RPS6KC1: variants seen among roughly 807,000 people sequenced by gnomAD.
RPS6KC1 encodes inactive ribosomal protein S6 kinase delta-1.
In RPS6KC1, 54 loss-of-function variants were observed where a neutral mutation model predicts 103.8. The observed-to-expected ratio is 0.52, with a 90% CI of 0.42 to 0.65. The LOEUF (loss-of-function observed/expected upper bound fraction) is 0.65. Among genes scored for constraint, RPS6KC1 ranks in the 30% least tolerant of loss-of-function variants. The pLI is 0.00. For missense variants in RPS6KC1, 1,151 were observed against 1,253.8 expected (o/e 0.92, Z 1.24); for synonymous variants, 439 against 438.7 (o/e 1.00, Z -0.01).
chr1:213,608,919 AG>A, the RPS6KC1 span, among the ~76,000 whole-genome samples: 1 of 152,196 alleles, frequency 6.6e-6, no homozygotes, highest in Non-Finnish European at 1.5e-5. Flanking sequence ...TTGGTTGTTT[AG>A]CATTTAGGCT....
At chr1:213,188,058 T>G (rs1041954608) in intron 8 of RPS6KC1, among the ~76,000 whole-genome samples, 1 of 152,250 alleles carries the variant, frequency 6.6e-6, no homozygotes, top group African/African-American at 2.4e-5. Context: ...CCTCTTCTGC[T>G]GAGCAGCCTC....
chr1:213,427,684 T>C, the RPS6KC1 span, among the ~76,000 whole-genome samples: 209 of 152,320 alleles, frequency 1.4e-3, no homozygotes, highest in African/African-American at 4.7e-3. Flanking sequence ...AGAGGTTAAG[T>C]CATTTGCCTA....
intron 5 of RPS6KC1, among the ~76,000 whole-genome samples, chr1:213,126,806 G>C (rs2085041775): frequency 6.6e-6 from 1 of 152,092 alleles, no homozygotes; most frequent in Non-Finnish European, 1.5e-5. Flanking sequence ...TATTGTCTAT[G>C]GCTGCTTTTG....
chr1:213,243,944 G>C (rs985415421), intron 12 of RPS6KC1, among the ~76,000 whole-genome samples: 1 of 152,108 alleles, frequency 6.6e-6, no homozygotes, highest in Admixed American at 6.5e-5. Flanking sequence ...TTCTGCAGTA[G>C]AGAATACCAA....
chr1:213,304,044 A>C, the RPS6KC1 span, among the ~76,000 whole-genome samples: 1 of 151,026 alleles, frequency 6.6e-6, no homozygotes, highest in East Asian at 1.9e-4. Context: ...TCTCTACTAA[A>C]AATACAAAAA....
chr1:213,117,249 A>G, intron 4 of RPS6KC1, 68 bp from the exon 5 acceptor site: 1 of 878,406 alleles, frequency 1.1e-6, no homozygotes, highest in Non-Finnish European at 1.9e-6. Context: ...AATTGGGATA[A>G]CTATTTTTTA....
At chr1:213,268,987 T>G (rs1420024523) in intron 14 of RPS6KC1, among the ~76,000 whole-genome samples, 1 of 151,786 alleles carries the variant, frequency 6.6e-6, no homozygotes, top group Non-Finnish European at 1.5e-5. Context: ...AAATAGCAAA[T>G]ATAAACCCAC....
the RPS6KC1 span, among the ~76,000 whole-genome samples, chr1:213,668,292 T>G: frequency 0.47 from 70,361 of 151,158 alleles, 16,617 homozygotes; most frequent in South Asian, 0.7. Context: ...TGCAGAATGT[T>G]TTAGCAGGCA....
the RPS6KC1 span, among the ~76,000 whole-genome samples, chr1:213,313,947 G>C: frequency 2.0e-5 from 3 of 151,946 alleles, no homozygotes; most frequent in African/African-American, 7.3e-5. Context: ...GCGGAGACTC[G>C]ATTTAAAAAA....
At chr1:213,754,944 A>T in the RPS6KC1 span, among the ~76,000 whole-genome samples, 1 of 152,194 alleles carries the variant, frequency 6.6e-6, no homozygotes, top group Non-Finnish European at 1.5e-5. Context: ...ATCTAGTTCA[A>T]TTATCTTTTG....
chr1:213,740,534 T>C, the RPS6KC1 span, among the ~76,000 whole-genome samples: 2 of 152,050 alleles, frequency 1.3e-5, no homozygotes. Flanking sequence ...AGTTTGGTCC[T>C]TGAAGACATT....
intron 12 of RPS6KC1, among the ~76,000 whole-genome samples, chr1:213,253,636 A>G (rs892808127): frequency 6.6e-6 from 1 of 152,162 alleles, no homozygotes; most frequent in Non-Finnish European, 1.5e-5. Context: ...TGCAGTTTAA[A>G]TTGTATAATC....
the RPS6KC1 span, among the ~76,000 whole-genome samples, chr1:213,816,243 T>C: frequency 5.9e-5 from 9 of 152,126 alleles, no homozygotes; most frequent in African/African-American, 2.2e-4. Context: ...AGACACAGAG[T>C]GAGCATGTGA....
chr1:213,145,140 C>T (rs756894844), intron 6 of RPS6KC1, among the ~76,000 whole-genome samples: 4 of 152,038 alleles, frequency 2.6e-5, no homozygotes, highest in Non-Finnish European at 2.9e-5. Flanking sequence ...CTAAAAATAC[C>T]AGACAATATA....
chr1:213,640,235 G>A, the RPS6KC1 span, among the ~76,000 whole-genome samples: 3 of 151,866 alleles, frequency 2.0e-5, no homozygotes, highest in African/African-American at 7.2e-5. Context: ...TGTGAGGTCT[G>A]CAGTGATATC....
chr1:213,181,279 A>G (rs1046543684), intron 8 of RPS6KC1, among the ~76,000 whole-genome samples: 2 of 152,332 alleles, frequency 1.3e-5, no homozygotes, highest in African/African-American at 4.8e-5. Context: ...GTCACTGAAA[A>G]ACAACTTAAA....
At chr1:213,813,539 C>G in the RPS6KC1 span, among the ~76,000 whole-genome samples, 722 of 152,240 alleles carry the variant, frequency 4.7e-3, 8 homozygotes, top group African/African-American at 0.017. Flanking sequence ...TAATGCAAGC[C>G]ACTCGTTTCA....
chr1:213,265,701 A>G (rs1485717296), intron 14 of RPS6KC1, among the ~76,000 whole-genome samples: 6 of 152,204 alleles, frequency 3.9e-5, no homozygotes, highest in Non-Finnish European at 8.8e-5. Flanking sequence ...ACAGTGTAGT[A>G]TGGTTCAATT....
chr1:213,689,029 C>T, the RPS6KC1 span, among the ~76,000 whole-genome samples: 1 of 152,186 alleles, frequency 6.6e-6, no homozygotes, highest in African/African-American at 2.4e-5. Context: ...GTTTCATCAC[C>T]TTGCAGGTGA....
Sources: allele counts gnomAD v4.1 joint callset (sites outside exome capture counted in the v4.1 genomes callset), GRCh38; gene constraint gnomAD v4.1.1; transcripts MANE v1.5; gene names NCBI Gene and HGNC (gene_info 2026-07-23, HGNC 2026-07-21).